Variants in PRR12 observed in about 807,000 individuals in gnomAD.
The protein encoded by PRR12 is proline rich 12.
PRR12 carries 12 observed loss-of-function variants against 138.0 expected under a neutral mutation model. That is an observed-to-expected ratio of 0.09 (90% CI 0.06 to 0.14). PRR12 has a LOEUF of 0.14. PRR12 is among the 10% of genes least tolerant of loss of function. The pLI is 1.00. For synonymous variants in PRR12, 1,567 were observed against 1,291.7 expected (o/e 1.21, Z -4.57); for missense variants, 2,692 against 2,861.3 (o/e 0.94, Z 1.35).
intron 11 of PRR12, 163 bp downstream of exon 11, chr19:49,621,785 G>C: frequency 1.6e-6 from 1 of 622,218 alleles, no homozygotes; most frequent in Non-Finnish European, 2.8e-6. Flanking sequence ...AGATCTCTGG[G>C]TTCTCAACAG....
chr19:49,596,135 G>A lies in PRR12; in HGVS notation c.1800G>A (p.Leu600=), dbSNP rs777547113. The A allele has an allele frequency of 6.2e-7, 1 of 1,605,408 alleles. No individual in the cohort carries two copies. The highest frequency in any genetic ancestry group is 2.2e-5 in the East Asian group (1 of 44,872). The change falls in exon 4 of 14, where the codon CTG becomes CTA. Residue 600 remains leucine (L), a synonymous_variant. Coordinates refer to ENST00000418929, the MANE Select transcript of PRR12 (RefSeq NM_020719.3). The surrounding 1 kb of genome is among the most constrained non-coding windows in gnomAD (Gnocchi z 5.6). Reference sequence around the variant, plus strand: ...CAGTCTTGGCCTCAGCGCCTTTCCTGGCACCTCCGGGAGCTGGCAGCTATG... The same window carrying A: ...CAGTCTTGGCCTCAGCGCCTTTCCTAGCACCTCCGGGAGCTGGCAGCTATG... ...LSSVLASAPF[L]APPGAGSYAA... is the part of the protein sequence containing the mutation.
rs1157898669 is a variant in PRR12 at position 49,596,601 on chromosome 19, C to G, written c.2266C>G (p.Leu756Val). The G allele has an allele frequency of 2.5e-6, 4 of 1,594,208 alleles. No individual in the cohort carries two copies. The highest frequency in any genetic ancestry group is 2.2e-5 in the East Asian group (1 of 44,698). ...CCACTACGGGGCAGGCGCCAAGGAGCTGGGGGCCTTCTTGCAAAAGAGCCC... is the reference window on the plus strand; with the variant it reads ...CCACTACGGGGCAGGCGCCAAGGAGGTGGGGGCCTTCTTGCAAAAGAGCCC... ...VVHYGAGAKE[L>V]GAFLQKSPPP... The change falls in exon 4 of 14, where the codon CTG becomes GTG. Residue 756 changes from leucine to valine, a missense_variant. By Grantham distance (32) the Leu-to-Val change is conservative (BLOSUM62 1). This residue lies in a region of PRR12 where 840 missense variants were observed against 689.8 expected (regional missense o/e 1.22). Coordinates refer to ENST00000418929, the MANE Select transcript of PRR12 (RefSeq NM_020719.3). The surrounding 1 kb of genome is among the most constrained non-coding windows in gnomAD (Gnocchi z 5.6).
chr19:49,614,425 C>T lies in PRR12; in HGVS notation c.4774-108C>T, dbSNP rs1401016238. The T allele has an allele frequency of 1.7e-5, 12 of 714,824 alleles. No homozygotes were observed. Among genetic ancestry groups the T allele is most frequent in the Middle Eastern group, 3.4e-4 (1 of 2,922 alleles). The allele number at this position is 714,824 out of a possible 1,614,324, so 44.3% of individuals were successfully genotyped here. ...AGATATTTGTTGTTGACGTGTCTGC[C>T]TTTTCTCTAAGGGGATGGTGAGGGA... On this transcript the variant is annotated intron_variant, in intron 6 of 13. Coordinates refer to ENST00000418929, the MANE Select transcript of PRR12 (RefSeq NM_020719.3). The surrounding 1 kb of genome is among the most constrained non-coding windows in gnomAD (Gnocchi z 5.0).
chr19:49,591,558 G>C lies in PRR12; in HGVS notation c.-97G>C. The C allele has an allele frequency of 1.7e-6, 1 of 594,082 alleles. No individual in the cohort carries two copies. Among genetic ancestry groups the C allele is most frequent in the Non-Finnish European group, 2.5e-6 (1 of 397,744 alleles). The allele number at this position is 594,082 out of a possible 1,614,324, so 36.8% of individuals were successfully genotyped here. A position where few individuals can be genotyped will look rare whatever the true frequency, so the allele number is the denominator to read the frequency against. ...GAGAGAGAAAAGGGGGGAAAAAAAAGCAGCAGCGGAGGGAGCGGCGGCGGA... is the reference window on the plus strand; with the variant it reads ...GAGAGAGAAAAGGGGGGAAAAAAAACCAGCAGCGGAGGGAGCGGCGGCGGA... On this transcript the variant is annotated 5_prime_UTR_variant, in exon 1 of 14. Transcript: ENST00000418929.
At position 49,607,810 on chromosome 19, in the gene PRR12, G is replaced by A. The variant is rs957930427; in HGVS notation, c.4773+5892G>A. Among the ~76,000 whole-genome samples, 14 of 152,038 alleles carry A rather than the reference G, an allele frequency of 9.2e-5. 1 individual carries two copies. The highest frequency in any genetic ancestry group is 2.9e-4 in the African/African-American group (12 of 41,388). ...AAAGCAGGTGAGTCACCTGAGGTCC[G>A]GAGTTCAAGACCAGCCTGGTCAACA... is the stretch of plus-strand genomic sequence containing the variant. On this transcript the variant is annotated intron_variant, in intron 6 of 13. Coordinates refer to ENST00000418929, the MANE Select transcript of PRR12 (RefSeq NM_020719.3).
chr19:49,622,113 A>G (rs1195910928), intron 11 of PRR12, among the ~76,000 whole-genome samples: 1 of 152,200 alleles, frequency 6.6e-6, no homozygotes, highest in East Asian at 1.9e-4. Context: ...ATTCCGGGAT[A>G]GAATGTTAGG....
At chr19:49,621,210 A>G (rs1368967652) in intron 10 of PRR12, among the ~76,000 whole-genome samples, 2 of 40,858 alleles carry the variant, frequency 4.9e-5, no homozygotes, top group African/African-American at 1.0e-4. Context: ...CTGAGGGAGG[A>G]GGGGCTGGGG....
chr19:49,611,065 CTACT>C (rs2080863460), intron 6 of PRR12, among the ~76,000 whole-genome samples: 1 of 151,568 alleles, frequency 6.6e-6, no homozygotes. Flanking sequence ...TGGTCTTGAA[CTACT>C]GACCTCAGGT....
chr19:49,622,453 G>A lies in PRR12; in HGVS notation c.5721+831G>A, dbSNP rs553119146. Among the ~76,000 whole-genome samples the A allele has an allele frequency of 1.6e-4, 25 of 151,996 alleles. 2 individuals carry two copies. The South Asian group carries it at 5.0e-3, about 30-fold the overall frequency. ...ACTCAAAATAAAAAATTAGCTGGGC[G>A]TGGTGGTGGGCACCTGTAGTCTTAG... is the stretch of plus-strand genomic sequence containing the variant. On this transcript the variant is annotated intron_variant, in intron 11 of 13. Transcript: ENST00000418929.
In PRR12 at chr19:49,615,601, A is replaced by AGAGAGGGAGGGGATCAGAGTCCCG; in HGVS notation, c.5025-133_5025-132insTCAGAGTCCCGGAGAGGGAGGGGA. On this transcript the variant is annotated intron_variant, in intron 8 of 13. Coordinates refer to ENST00000418929, the MANE Select transcript of PRR12 (RefSeq NM_020719.3). ...CAGAGAGGGAGGGGGTCAGAGTCCCAGAGAGGGAGGGGAACAGAGACCAGA... is the reference window on the plus strand; with the variant it reads ...CAGAGAGGGAGGGGGTCAGAGTCCCAGAGAGGGAGGGGATCAGAGTCCCGGAGAGGGAGGGGAACAGAGACCAGA... The AGAGAGGGAGGGGATCAGAGTCCCG allele has an allele frequency of 4.4e-6, 3 of 687,200 alleles. No homozygotes were observed. The South Asian group carries it at 6.0e-5, about 14-fold the overall frequency. The allele number at this position is 687,200 out of a possible 1,614,324, so 42.6% of individuals were successfully genotyped here.
intron 11 of PRR12, 86 bp from the exon 12 acceptor site, chr19:49,624,757 AC>A (rs2080945779): frequency 6.5e-7 from 1 of 1,533,592 alleles, no homozygotes. Flanking sequence ...CCTGGGGGAA[AC>A]TGAGGCACAG....
At chr19:49,600,712 T>C (rs1211080425) in intron 5 of PRR12, among the ~76,000 whole-genome samples, 3 of 151,796 alleles carry the variant, frequency 2.0e-5, no homozygotes, top group African/African-American at 7.3e-5. Context: ...TTTTTTTTCT[T>C]GAGACAGGGT....
chr19:49,603,553 G>A (rs993568104), intron 6 of PRR12, among the ~76,000 whole-genome samples: 10 of 152,092 alleles, frequency 6.6e-5, no homozygotes, highest in South Asian at 4.1e-4. Flanking sequence ...TTAACTGGGC[G>A]TGGTAGGGCG....
At chr19:49,607,372 C>T (rs1369590796) in intron 6 of PRR12, among the ~76,000 whole-genome samples, 1 of 151,846 alleles carries the variant, frequency 6.6e-6, no homozygotes, top group East Asian at 1.9e-4. Context: ...CACACACACA[C>T]ACACACACAG....
chr19:49,591,514 G>T lies in PRR12; in HGVS notation c.-141G>T. On this transcript the variant is annotated 5_prime_UTR_variant, in exon 1 of 14. Coordinates refer to ENST00000418929, the MANE Select transcript of PRR12 (RefSeq NM_020719.3). ...CCCGGGGCCTTCCCGGGCCTTCGGC[G>T]GCTGCAAAGAAAAAAAGAGAGAGAG... 1 of 288,198 alleles carries T rather than the reference G, an allele frequency of 3.5e-6. No homozygotes were observed. The highest frequency in any genetic ancestry group is 6.0e-5 in the Admixed American group (1 of 16,614). The allele number at this position is 288,198 out of a possible 1,614,324, so 17.9% of individuals were successfully genotyped here.
In PRR12 at chr19:49,594,714, C is replaced by G. The variant is rs1387213656; in HGVS notation, c.379C>G (p.Pro127Ala). 2.5e-6 allele frequency: 4 copies of G among 1,613,068 alleles called. No individual in the cohort carries two copies. Among genetic ancestry groups the G allele is most frequent in the Non-Finnish European group, 3.4e-6 (4 of 1,179,798 alleles). ...ATCTCCAGCCATGCACACGCCAGGC[C>G]CCACGGAGCTCTTCATCTCGGGTGC... Reference protein sequence around the residue: ...SWQTAMHTPGPTELFISGALP... With the variant: ...SWQTAMHTPGATELFISGALP... Residue 127 changes from proline (P) to alanine (A), a missense_variant, in exon 4 of 14, where the codon CCC (proline) becomes GCC (alanine). Physicochemically the swap from Pro to Ala is conservative, Grantham distance 27. Around this residue, in one of 11 missense-constraint regions of PRR12, gnomAD observed 211 missense variants for 266.3 expected, o/e 0.79. Coordinates refer to ENST00000418929, the MANE Select transcript of PRR12 (RefSeq NM_020719.3). This position sits in a 1 kb window ranked among gnomAD's most constrained non-coding sequence, Gnocchi z 5.6.
At chr19:49,619,535 C>CTTTTTTTTT (rs760207958) in intron 9 of PRR12, among the ~76,000 whole-genome samples, 1 of 67,140 alleles carries the variant, frequency 1.5e-5, no homozygotes, top group Non-Finnish European at 2.6e-5. Context: ...ATGCCCAGCC[C>CTTTTTTTTT]TTTTTTTTTT....
At chr19:49,610,226 C>G (rs964306651) in intron 6 of PRR12, among the ~76,000 whole-genome samples, 1 of 151,844 alleles carries the variant, frequency 6.6e-6, no homozygotes, top group Non-Finnish European at 1.5e-5. Flanking sequence ...CCGCCTGCCT[C>G]GGCCTCCCAA....
chr19:49,605,135 G>T (rs527931830), intron 6 of PRR12, among the ~76,000 whole-genome samples: 1 of 152,084 alleles, frequency 6.6e-6, no homozygotes, highest in South Asian at 2.1e-4. Flanking sequence ...ACAGGAATGA[G>T]CCACTGTGCC....
Sources: gnomAD v4.1 joint callset for allele counts (sites outside exome capture counted in the v4.1 genomes callset) on GRCh38, gnomAD v4.1.1 for gene constraint, gnomAD v4.1.1 regional missense constraint, Gnocchi (gnomAD v3.1) non-coding constraint, MANE v1.5 for transcripts, NCBI Gene and HGNC (gene_info 2026-07-23, HGNC 2026-07-21) for gene names.